CDH12: variants seen among roughly 807,000 people sequenced by gnomAD.
CDH12 encodes the protein cadherin-12.
A neutral mutation model predicts 74.1 loss-of-function variants in CDH12; 41 were observed. That is an observed-to-expected ratio of 0.55 (90% CI 0.43 to 0.72). CDH12 has a LOEUF of 0.72. Ranked by LOEUF, CDH12 falls within the 30% of genes least tolerant of loss-of-function variation. CDH12 has a pLI of 0.00. For missense variants in CDH12, 945 were observed against 977.2 expected (o/e 0.97, Z 0.44); for synonymous variants, 399 against 355.0 (o/e 1.12, Z -1.39).
chr5:22,561,048 T>C (rs1464135417), intron 1 of CDH12, among the ~76,000 whole-genome samples: 1 of 152,174 alleles, frequency 6.6e-6, no homozygotes, highest in Non-Finnish European at 1.5e-5. Context: ...GAAGATAACA[T>C]GAAATTGATT....
intron 1 of CDH12, among the ~76,000 whole-genome samples, chr5:22,690,353 G>T (rs907627084): frequency 1.3e-5 from 2 of 152,076 alleles, no homozygotes; most frequent in African/African-American, 4.8e-5. Flanking sequence ...TATCCAGTAG[G>T]ATAATTTTTA....
intron 2 of CDH12, among the ~76,000 whole-genome samples, chr5:22,421,159 TCTTC>T (rs1366567254): frequency 6.6e-6 from 1 of 152,218 alleles, no homozygotes; most frequent in Non-Finnish European, 1.5e-5. Flanking sequence ...TGACTTCCTC[TCTTC>T]CTATCTGAAT....
chr5:22,606,884 T>G (rs745820550), intron 1 of CDH12, among the ~76,000 whole-genome samples: 1 of 152,144 alleles, frequency 6.6e-6, no homozygotes, highest in Non-Finnish European at 1.5e-5. Flanking sequence ...TGTTGAATAG[T>G]TTTGACCAAA....
chr5:22,248,673 C>T lies in CDH12; in HGVS notation c.-332-36030G>A, dbSNP rs533328036. ...AATCCTTATTTTGAAATCACAGTTT[C>T]GTTGTATTTGCTGATAAAACCTATC... On this transcript the variant is annotated intron_variant, in intron 3 of 14. Coordinates refer to ENST00000382254, the MANE Select transcript of CDH12 (RefSeq NM_004061.5). Among the ~76,000 whole-genome samples, 8 of 152,190 alleles carry T rather than the reference C, an allele frequency of 5.3e-5. No homozygotes were observed. The East Asian group carries it at 1.2e-3, about 22-fold the overall frequency.
chr5:22,666,300 T>TC (rs1740616325), intron 1 of CDH12, among the ~76,000 whole-genome samples: 1 of 97,836 alleles, frequency 1.0e-5, no homozygotes, highest in Admixed American at 1.1e-4. Flanking sequence ...TTTTTTTTTT[T>TC]TGTTTTTGAG....
At position 22,831,371 on chromosome 5, in the gene CDH12, C is replaced by CTGTGTGTGTGTG. The variant is rs70959760; in HGVS notation, c.-523+21675_-523+21686dup. 6.4e-3 allele frequency among the ~76,000 whole-genome samples: 933 copies of CTGTGTGTGTGTG among 146,732 alleles called. 19 individuals carry two copies. Among genetic ancestry groups the CTGTGTGTGTGTG allele is most frequent in the African/African-American group, 0.022 (887 of 39,460 alleles). ...GGAGTTTGTGTGTGTGTGTGTGTGT[C>CTGTGTGTGTGTG]TGTGTGTGTGTGTGTGTGTGTGTGT... On this transcript the variant is annotated intron_variant, in intron 1 of 14. Transcript: ENST00000382254.
chr5:22,348,438 A>G (rs1740218635), intron 3 of CDH12, among the ~76,000 whole-genome samples: 1 of 152,186 alleles, frequency 6.6e-6, no homozygotes, highest in Non-Finnish European at 1.5e-5. Flanking sequence ...AAAGAGCTTT[A>G]TTTTTATTTA....
intron 4 of CDH12, among the ~76,000 whole-genome samples, chr5:22,102,393 G>A (rs1192161064): frequency 6.6e-6 from 1 of 152,152 alleles, no homozygotes; most frequent in African/African-American, 2.4e-5. Flanking sequence ...CCCTGGCAGG[G>A]CACGGTGGCT....
intron 4 of CDH12, among the ~76,000 whole-genome samples, chr5:22,111,836 T>C (rs1180239957): frequency 6.6e-6 from 1 of 152,198 alleles, no homozygotes; most frequent in African/African-American, 2.4e-5. Context: ...GAAATGCATG[T>C]ATACATACAC....
chr5:22,259,598 T>A (rs1178939695), intron 3 of CDH12, among the ~76,000 whole-genome samples: 1 of 152,106 alleles, frequency 6.6e-6, no homozygotes, highest in South Asian at 2.1e-4. Flanking sequence ...ACTATACTAT[T>A]TTCATGGGCT....
Position 22,632,759 on chromosome 5 carries a change from C to T in CDH12, c.-522-127395G>A, listed in dbSNP as rs144497255. On this transcript the variant is annotated intron_variant, in intron 1 of 14. Transcript: ENST00000382254. ...GAGAGAAATAAATAATATGTGGATA[C>T]ATTATGGCTGAAAACATCCTAAATG... is the stretch of plus-strand genomic sequence containing the variant. 3.6e-3 allele frequency among the ~76,000 whole-genome samples: 550 copies of T among 152,052 alleles called. 1 individual carries two copies. Among genetic ancestry groups the T allele is most frequent in the African/African-American group, 0.01 (421 of 41,484 alleles).
chr5:21,833,326 AT>A (rs1749306263), intron 8 of CDH12, among the ~76,000 whole-genome samples: 1 of 63,336 alleles, frequency 1.6e-5, no homozygotes, highest in Non-Finnish European at 2.3e-5. Context: ...TATATAATAT[AT>A]ATTATATATT....
At chr5:22,748,455 G>A (rs1311903417) in intron 1 of CDH12, among the ~76,000 whole-genome samples, 2 of 151,976 alleles carry the variant, frequency 1.3e-5, no homozygotes, top group Non-Finnish European at 2.9e-5. Context: ...AAAAGATAAA[G>A]ATAAAAGCAG....
chr5:22,194,315 T>TG (rs2150349106), intron 4 of CDH12, among the ~76,000 whole-genome samples: 1 of 151,270 alleles, frequency 6.6e-6, no homozygotes, highest in Admixed American at 6.6e-5. Context: ...TTTCTTTTTT[T>TG]TTTTTTTGTT....
At chr5:22,392,656 TGACCAAA>T (rs1742293968) in intron 3 of CDH12, among the ~76,000 whole-genome samples, 1 of 152,194 alleles carries the variant, frequency 6.6e-6, no homozygotes, top group African/African-American at 2.4e-5. Flanking sequence ...AAGTCATTAT[TGACCAAA>T]GAAAGACATG....
intron 6 of CDH12, among the ~76,000 whole-genome samples, chr5:21,897,225 G>T (rs1384986664): frequency 6.6e-6 from 1 of 152,120 alleles, no homozygotes; most frequent in Non-Finnish European, 1.5e-5. Flanking sequence ...TACAAATCTG[G>T]TTGACAGAAA....
intron 1 of CDH12, among the ~76,000 whole-genome samples, chr5:22,739,811 G>A (rs931124542): frequency 2.6e-5 from 4 of 151,984 alleles, no homozygotes; most frequent in African/African-American, 9.7e-5. Context: ...TAGTACAATG[G>A]AGTCATGTAC....
chr5:22,105,378 C>T (rs1288927264), intron 4 of CDH12, among the ~76,000 whole-genome samples: 1 of 149,908 alleles, frequency 6.7e-6, no homozygotes, highest in Non-Finnish European at 1.5e-5. Flanking sequence ...CAGGCATGAG[C>T]CACCAAGCCC....
chr5:22,244,949 G>C (rs1314889682), intron 3 of CDH12, among the ~76,000 whole-genome samples: 1 of 152,038 alleles, frequency 6.6e-6, no homozygotes, highest in Admixed American at 6.6e-5. Flanking sequence ...CAGGTATCTA[G>C]AAAAGAGCAT....
Sources: gnomAD v4.1 joint callset for allele counts (sites outside exome capture counted in the v4.1 genomes callset) on GRCh38, gnomAD v4.1.1 for gene constraint, MANE v1.5 for transcripts, NCBI Gene and HGNC (gene_info 2026-07-23, HGNC 2026-07-21) for gene names.